SEMG1: variants seen among roughly 807,000 people sequenced by gnomAD.
SEMG1 encodes the protein semenogelin-1.
Under a neutral mutation model 8.8 loss-of-function variants are expected in SEMG1, and 6 were observed. The observed-to-expected ratio is 0.68, with a 90% CI of 0.37 to 1.35. The LOEUF (loss-of-function observed/expected upper bound fraction) is 1.35. Ranked by LOEUF, SEMG1 falls within the 40% of genes most tolerant of loss-of-function variation. The probability of loss-of-function intolerance (pLI) is 0.02; values close to 1 mark genes in which losing one functional copy is unlikely to be tolerated. For synonymous variants in SEMG1, 221 were observed against 190.3 expected, an observed-to-expected ratio of 1.16 and a Z score of -1.33; for missense variants, 580 against 533.6, an observed-to-expected ratio of 1.09 and a Z score of -0.86.
At position 45,207,967 on chromosome 20, in the gene SEMG1, G is replaced by A. The variant is rs1241133084; in HGVS notation, c.670G>A (p.Val224Ile). The change falls in exon 2 of 3, where the codon GTT becomes ATT. Residue 224 changes from valine (V) to isoleucine (I), a missense_variant. Transcript: ENST00000372781. Reference sequence around the variant, plus strand: ...AAATAAAGGGCATTACCAAAATGTGGTTGAAGTGAGAGAGGAACATTCAAG... The same window carrying A: ...AAATAAAGGGCATTACCAAAATGTGATTGAAGTGAGAGAGGAACATTCAAG... ...HQNKGHYQNV[V>I]EVREEHSSKV... 1 of 1,613,844 alleles carries A rather than the reference G, an allele frequency of 6.2e-7. No homozygotes were observed.
In SEMG1 at chr20:45,208,693, C is replaced by T. The variant is rs192765548; in HGVS notation, c.*7C>T. 1.8e-4 allele frequency: 286 copies of T among 1,575,292 alleles called. No homozygotes were observed. Among genetic ancestry groups the T allele is most frequent in the Middle Eastern group, 5.1e-4 (3 of 5,888 alleles). ...AAACCCATTATTTACATAAACCTAC[C>T]ATTCGGTAACCATGTGAAAGGATGG... On this transcript the variant is annotated 3_prime_UTR_variant, in exon 2 of 3. Transcript: ENST00000372781.
chr20:45,208,502 A>G lies in SEMG1; in HGVS notation c.1205A>G (p.Asn402Ser), dbSNP rs752492518. ...NPKQEPWHGE[N>S]AKGESGQSTN... is the part of the protein sequence containing the mutation. Reference sequence around the variant, plus strand: ...AAGCAAGAGCCATGGCATGGTGAAAATGCAAAAGGAGAGTCTGGCCAATCT... The same window carrying G: ...AAGCAAGAGCCATGGCATGGTGAAAGTGCAAAAGGAGAGTCTGGCCAATCT... Residue 402 changes from asparagine to serine, a missense_variant, in exon 2 of 3, where the codon AAT (asparagine) becomes AGT (serine). Asn to Ser is a conservative substitution (Grantham distance 46). Transcript: ENST00000372781. The G allele has an allele frequency of 6.2e-7, 1 of 1,614,020 alleles. No individual in the cohort carries two copies.
chr20:45,208,646 CACA>C lies in SEMG1; in HGVS notation c.1353_1355del (p.Gln451del). ...GAAGATGACAGTGATCGTCATTTGGCACAACATCTTAACAACGACCGAAACCCA... is the reference window on the plus strand; with the variant it reads ...GAAGATGACAGTGATCGTCATTTGGCACATCTTAACAACGACCGAAACCCA... On this transcript the variant is annotated inframe_deletion, in exon 2 of 3. Transcript: ENST00000372781. 3 of 1,612,404 alleles carry C rather than the reference CACA, an allele frequency of 1.9e-6. No individual in the cohort carries two copies. Among genetic ancestry groups the C allele is most frequent in the African/African-American group, 1.3e-5 (1 of 74,942 alleles).
In SEMG1 at chr20:45,208,488, A is replaced by T. The variant is rs1216242352; in HGVS notation, c.1191A>T (p.Pro397=). The T allele has an allele frequency of 6.2e-7, 1 of 1,614,036 alleles. No homozygotes were observed. The highest frequency in any genetic ancestry group is 2.2e-5 in the East Asian group (1 of 44,884). ...QIQAPNPKQE[P]WHGENAKGES... ...AGGCACCAAATCCTAAGCAAGAGCC[A>T]TGGCATGGTGAAAATGCAAAAGGAG... The change falls in exon 2 of 3, where the codon CCA becomes CCT. Residue 397 remains proline (P), a synonymous_variant. Transcript: ENST00000372781.
Position 45,208,510 on chromosome 20 carries a change from G to T in SEMG1, c.1213G>T (p.Gly405Ter). 1 of 1,613,988 alleles carries T rather than the reference G, an allele frequency of 6.2e-7. No individual in the cohort carries two copies. Among genetic ancestry groups the T allele is most frequent in the Non-Finnish European group, 8.5e-7 (1 of 1,179,948 alleles). ...QEPWHGENAK[G>*]ESGQSTNREQ... is the part of the protein sequence containing the mutation. Reference sequence around the variant, plus strand: ...GCCATGGCATGGTGAAAATGCAAAAGGAGAGTCTGGCCAATCTACAAATAG... The same window carrying T: ...GCCATGGCATGGTGAAAATGCAAAATGAGAGTCTGGCCAATCTACAAATAG... Residue 405 changes from glycine (G) to a stop codon, truncating the protein, a stop_gained, in exon 2 of 3, where the codon GGA (glycine) becomes TGA (stop). Coordinates refer to ENST00000372781, the MANE Select transcript of SEMG1 (RefSeq NM_003007.5). LOFTEE classifies it low-confidence loss of function (END_TRUNC).
In SEMG1 at chr20:45,207,772, T is replaced by C. The variant is rs764003751; in HGVS notation, c.475T>C (p.Tyr159His). The C allele has an allele frequency of 4.3e-6, 7 of 1,613,966 alleles. No homozygotes were observed. Among genetic ancestry groups the C allele is most frequent in the Non-Finnish European group, 5.9e-6 (7 of 1,179,940 alleles). ...ATCTGGAAAGGGAATATCCAGTCAA[T>C]ATTCAAACACAGAAGAAAGGCTGTG... is the stretch of plus-strand genomic sequence containing the variant. ...SPSGKGISSQ[Y>H]SNTEERLWVH... The change falls in exon 2 of 3, where the codon TAT becomes CAT. Residue 159 changes from tyrosine (Y) to histidine (H), a missense_variant. By Grantham distance (83) the Tyr-to-His change is moderately conservative (BLOSUM62 2). Coordinates refer to ENST00000372781, the MANE Select transcript of SEMG1 (RefSeq NM_003007.5).
Position 45,208,482 on chromosome 20 carries a change from A to G in SEMG1, c.1185A>G (p.Gln395=). ...KSQIQAPNPK[Q]EPWHGENAKG... ...AAATCCAGGCACCAAATCCTAAGCA[A>G]GAGCCATGGCATGGTGAAAATGCAA... The change falls in exon 2 of 3, where the codon CAA becomes CAG. Residue 395 remains glutamine (Q), a synonymous_variant. Transcript: ENST00000372781. 6.2e-7 allele frequency: 1 copy of G among 1,613,980 alleles called. No homozygotes were observed. Among genetic ancestry groups the G allele is most frequent in the Non-Finnish European group, 8.5e-7 (1 of 1,179,956 alleles).
Position 45,207,943 on chromosome 20 carries a change from A to C in SEMG1, c.646A>C (p.Asn216His). The C allele has an allele frequency of 3.1e-6, 5 of 1,614,088 alleles. No individual in the cohort carries two copies. Among genetic ancestry groups the C allele is most frequent in the Non-Finnish European group, 4.2e-6 (5 of 1,179,988 alleles). The change falls in exon 2 of 3, where the codon AAT becomes CAT. Residue 216 changes from asparagine to histidine, a missense_variant. Physicochemically the swap from Asn to His is moderately conservative, Grantham distance 68 (BLOSUM62 1). Coordinates refer to ENST00000372781, the MANE Select transcript of SEMG1 (RefSeq NM_003007.5). ...ACGTGAGACTAAAAATTCTCATCAA[A>C]ATAAAGGGCATTACCAAAATGTGGT... ...QQRETKNSHQNKGHYQNVVEV... is the reference protein window; with the variant it reads ...QQRETKNSHQHKGHYQNVVEV...
rs1250203215 is a variant in SEMG1 at position 45,207,678 on chromosome 20, T to C, written c.381T>C (p.Val127=). ...CAAAAGGTCATTTTCACAGGGTAGT[T>C]ATACACCATAAAGGAGGCAAAGCTC... ...DKSKGHFHRV[V]IHHKGGKAHR... is the part of the protein sequence containing the mutation. The change falls in exon 2 of 3, where the codon GTT becomes GTC. Residue 127 remains valine, a synonymous_variant. Coordinates refer to ENST00000372781, the MANE Select transcript of SEMG1 (RefSeq NM_003007.5). 1.9e-6 allele frequency: 3 copies of C among 1,613,838 alleles called. No individual in the cohort carries two copies. The African/African-American group carries it at 4.0e-5, about 22-fold the overall frequency.
In SEMG1 at chr20:45,208,339, T is replaced by C. The variant is rs1983759990; in HGVS notation, c.1042T>C (p.Tyr348His). 4 of 1,611,194 alleles carry C rather than the reference T, an allele frequency of 2.5e-6. No individual in the cohort carries two copies. The highest frequency in any genetic ancestry group is 2.7e-5 in the African/African-American group (2 of 74,624). ...EHSQKANKIS[Y>H]QSSSTEERRL... ...TAGCCAAAAGGCAAATAAAATATCATACCAATCTTCAAGTACGGAAGAAAG... is the reference window on the plus strand; with the variant it reads ...TAGCCAAAAGGCAAATAAAATATCACACCAATCTTCAAGTACGGAAGAAAG... Residue 348 changes from tyrosine to histidine, a missense_variant, in exon 2 of 3, where the codon TAC becomes CAC. Physicochemically the swap from Tyr to His is moderately conservative, Grantham distance 83. Coordinates refer to ENST00000372781, the MANE Select transcript of SEMG1 (RefSeq NM_003007.5).
In SEMG1 at chr20:45,208,494, T is replaced by C. The variant is rs201478862; in HGVS notation, c.1197T>C (p.His399=). ...CAAATCCTAAGCAAGAGCCATGGCATGGTGAAAATGCAAAAGGAGAGTCTG... is the reference window on the plus strand; with the variant it reads ...CAAATCCTAAGCAAGAGCCATGGCACGGTGAAAATGCAAAAGGAGAGTCTG... ...QAPNPKQEPW[H]GENAKGESGQ... is the part of the protein sequence containing the mutation. Residue 399 remains histidine, a synonymous_variant, in exon 2 of 3, where the codon CAT becomes CAC. Coordinates refer to ENST00000372781, the MANE Select transcript of SEMG1 (RefSeq NM_003007.5). 4.1e-3 allele frequency: 6,608 copies of C among 1,613,894 alleles called. 275 individuals are homozygous for C. The South Asian group carries it at 0.069, about 17-fold the overall frequency.
Position 45,208,532 on chromosome 20 carries a change from A to G in SEMG1, c.1235A>G (p.Asn412Ser). Residue 412 changes from asparagine to serine, a missense_variant, in exon 2 of 3, where the codon AAT becomes AGT. By Grantham distance (46) the Asn-to-Ser change is conservative. Coordinates refer to ENST00000372781, the MANE Select transcript of SEMG1 (RefSeq NM_003007.5). ...NAKGESGQST[N>S]REQDLLSHEQ... is the part of the protein sequence containing the mutation. The stretch of plus-strand genomic sequence containing the variant: ...AAAGGAGAGTCTGGCCAATCTACAA[A>G]TAGAGAACAAGACCTACTCAGTCAT... 1.9e-6 allele frequency: 3 copies of G among 1,614,070 alleles called. No homozygotes were observed. Among genetic ancestry groups the G allele is most frequent in the Non-Finnish European group, 2.5e-6 (3 of 1,179,956 alleles).
Position 45,207,527 on chromosome 20 carries a change from A to G in SEMG1, c.230A>G (p.Asp77Gly). The change falls in exon 2 of 3, where the codon GAC becomes GGC. Residue 77 changes from aspartate to glycine, a missense_variant. By Grantham distance (94) the Asp-to-Gly change is moderately conservative. Coordinates refer to ENST00000372781, the MANE Select transcript of SEMG1 (RefSeq NM_003007.5). The stretch of plus-strand genomic sequence containing the variant: ...TATCATGTAGATGCCAATGATCATG[A>G]CCAGTCCCGAAAAAGTCAGCAATAT... ...YTYHVDANDH[D>G]QSRKSQQYDL... 1 of 1,613,934 alleles carries G rather than the reference A, an allele frequency of 6.2e-7. No individual in the cohort carries two copies. Among genetic ancestry groups the G allele is most frequent in the South Asian group, 1.1e-5 (1 of 91,060 alleles).
In SEMG1 at chr20:45,208,590, TGG is replaced by T. The variant is rs781779205; in HGVS notation, c.1297_1298del (p.Gly433IlefsTer11). 3 of 1,613,920 alleles carry T rather than the reference TGG, an allele frequency of 1.9e-6. No homozygotes were observed. Among genetic ancestry groups the T allele is most frequent in the Non-Finnish European group, 2.5e-6 (3 of 1,179,858 alleles). ...AAGGCAGACACCAACATGGATCTCA[TGG>T]GGGATTGGATATTGTAATTATAGAG... ...QKGRHQHGSH[G>X]GLDIVIIEQE... On this transcript the variant is annotated frameshift_variant, in exon 2 of 3. Coordinates refer to ENST00000372781, the MANE Select transcript of SEMG1 (RefSeq NM_003007.5). LOFTEE classifies it low-confidence loss of function (END_TRUNC).
rs745364356 is a variant in SEMG1, at chr20:45,207,439, T to C, written c.142T>C (p.Tyr48His). The change falls in exon 2 of 3, where the codon TAT (tyrosine) becomes CAT (histidine). Residue 48 changes from tyrosine (Y) to histidine (H), a missense_variant. Tyr to His is a moderately conservative substitution (Grantham distance 83). Transcript: ENST00000372781. ...QFPHGQKGQH[Y>H]SGQKGKQQTE... ...TCCACACGGACAAAAGGGCCAGCAC[T>C]ATTCTGGACAAAAAGGCAAGCAACA... 12 of 1,613,762 alleles carry C rather than the reference T, an allele frequency of 7.4e-6. No homozygotes were observed. In the Admixed American group the frequency reaches 1.8e-4, roughly 25 times the overall value.
chr20:45,208,750 TA>T lies in SEMG1; in HGVS notation c.*44+21del, dbSNP rs1983777764. On this transcript the variant is annotated intron_variant, in intron 2 of 2. Coordinates refer to ENST00000372781, the MANE Select transcript of SEMG1 (RefSeq NM_003007.5). Reference sequence around the variant, plus strand: ...ATCAAGGTAATTTTTTTTTAGCAAATAGGGGAGATATCTCTCTCATTGTTTA... The same window carrying T: ...ATCAAGGTAATTTTTTTTTAGCAAATGGGGAGATATCTCTCTCATTGTTTA... 3.7e-6 allele frequency: 4 copies of T among 1,069,724 alleles called. No individual in the cohort carries two copies. Among genetic ancestry groups the T allele is most frequent in the Non-Finnish European group, 5.5e-6 (4 of 722,094 alleles). The allele number at this position is 1,069,724 out of a possible 1,614,324, so 66.3% of individuals were successfully genotyped here. A position where few individuals can be genotyped will look rare whatever the true frequency, so the allele number is the denominator to read the frequency against.
Position 45,208,640 on chromosome 20 carries a change from ATT to A in SEMG1, c.1345_1346del (p.Leu449GlyfsTer5), listed in dbSNP as rs1286601843. On this transcript the variant is annotated frameshift_variant, in exon 2 of 3. Transcript: ENST00000372781. LOFTEE classifies it low-confidence loss of function (END_TRUNC). Reference sequence around the variant, plus strand: ...GAGCAGGAAGATGACAGTGATCGTCATTTGGCACAACATCTTAACAACGACCG... The same window carrying A: ...GAGCAGGAAGATGACAGTGATCGTCATGGCACAACATCTTAACAACGACCG... The A allele has an allele frequency of 1.2e-6, 2 of 1,612,660 alleles. No individual in the cohort carries two copies. The highest frequency in any genetic ancestry group is 3.3e-5 in the Admixed American group (2 of 59,776).
chr20:45,207,741 TA>T lies in SEMG1; in HGVS notation c.445del (p.Ser149AlafsTer23). 6.2e-7 allele frequency: 1 copy of T among 1,613,902 alleles called. No homozygotes were observed. On this transcript the variant is annotated frameshift_variant, in exon 2 of 3. Coordinates refer to ENST00000372781, the MANE Select transcript of SEMG1 (RefSeq NM_003007.5). LOFTEE classifies it low-confidence loss of function (END_TRUNC). ...AAAATCCTTCTCAAGATCAGGGGAATAGCCCATCTGGAAAGGGAATATCCAG... is the reference window on the plus strand; with the variant it reads ...AAAATCCTTCTCAAGATCAGGGGAATGCCCATCTGGAAAGGGAATATCCAG... ...TQNPSQDQGN[S>X]PSGKGISSQY...
chr20:45,207,220 C>T lies in SEMG1; in HGVS notation c.76+91C>T, dbSNP rs901295165. 6 of 1,541,594 alleles carry T rather than the reference C, an allele frequency of 3.9e-6. No homozygotes were observed. The Admixed American group carries it at 9.2e-5, about 24-fold the overall frequency. ...GTGCAAACAGTAACCTGTTTAGGCACAGATTCTTCTCTTTGAAGAGAATTG... is the reference window on the plus strand; with the variant it reads ...GTGCAAACAGTAACCTGTTTAGGCATAGATTCTTCTCTTTGAAGAGAATTG... On this transcript the variant is annotated intron_variant, in intron 1 of 2. Transcript: ENST00000372781.
Sources: allele counts gnomAD v4.1 joint callset, GRCh38; gene constraint gnomAD v4.1.1; transcripts MANE v1.5; gene names NCBI Gene and HGNC (gene_info 2026-07-23, HGNC 2026-07-21).